AIG1: variants seen among roughly 807,000 people sequenced by gnomAD.
The protein encoded by AIG1 is androgen-induced gene 1 protein.
A neutral mutation model predicts 31.4 loss-of-function variants in AIG1; 23 were observed. The ratio of observed to expected loss-of-function variants is 0.73; its 90% confidence interval spans 0.53 to 1.04. The LOEUF (loss-of-function observed/expected upper bound fraction) is 1.04, where lower values mean the gene tolerates loss of function less well. AIG1 is among the 50% of genes least tolerant of loss of function. The pLI is 0.00. For missense variants in AIG1, 274 were observed against 295.0 expected (o/e 0.93, Z 0.52); for synonymous variants, 100 against 110.5 (o/e 0.90, Z 0.60).
intron 1 of AIG1, among the ~76,000 whole-genome samples, chr6:143,090,715 T>G (rs969635673): frequency 1.3e-5 from 2 of 152,262 alleles, no homozygotes; most frequent in African/African-American, 4.8e-5. Flanking sequence ...ATCTGAGCCC[T>G]CATTGAGTAA....
intron 3 of AIG1, among the ~76,000 whole-genome samples, chr6:143,242,301 C>G (rs999034013): frequency 6.6e-6 from 1 of 152,140 alleles, no homozygotes; most frequent in Non-Finnish European, 1.5e-5. Context: ...AGAACCCAAG[C>G]CACTATATTT....
intron 3 of AIG1, among the ~76,000 whole-genome samples, chr6:143,227,710 G>A (rs1159701591): frequency 1.3e-5 from 2 of 152,072 alleles, no homozygotes; most frequent in Non-Finnish European, 2.9e-5. Context: ...CAAAAACGAA[G>A]ATTTAGTGGC....
chr6:143,328,746 T>C lies in AIG1; in HGVS notation c.516-4536T>C, dbSNP rs1429308165. Reference sequence around the variant, plus strand: ...CATGAATAAATGTTATTTTTTTAATTGTACATAAACGTGAATGCAAACGGA... The same window carrying C: ...CATGAATAAATGTTATTTTTTTAATCGTACATAAACGTGAATGCAAACGGA... On this transcript the variant is annotated intron_variant, in intron 4 of 5. Transcript: ENST00000357847. This position sits in a 1 kb window ranked among gnomAD's most constrained non-coding sequence, Gnocchi z 4.0. Among the ~76,000 whole-genome samples, 1 of 152,200 alleles carries C rather than the reference T, an allele frequency of 6.6e-6. No individual in the cohort carries two copies. The highest frequency in any genetic ancestry group is 1.5e-5 in the Non-Finnish European group (1 of 68,026).
At chr6:143,204,116 T>G (rs927162588) in intron 3 of AIG1, among the ~76,000 whole-genome samples, 1 of 152,182 alleles carries the variant, frequency 6.6e-6, no homozygotes, top group African/African-American at 2.4e-5. Context: ...GAGGGCCCTG[T>G]TCCAGTATCC....
intron 2 of AIG1, among the ~76,000 whole-genome samples, chr6:143,153,182 G>A (rs1785405711): frequency 6.6e-6 from 1 of 152,154 alleles, no homozygotes; most frequent in African/African-American, 2.4e-5. Context: ...TAAAATTTGA[G>A]TAGGGAAGGA....
intron 3 of AIG1, among the ~76,000 whole-genome samples, chr6:143,175,036 T>C (rs900552701): frequency 6.6e-6 from 1 of 152,226 alleles, no homozygotes; most frequent in Admixed American, 6.5e-5. Flanking sequence ...TTTGTTTGTC[T>C]GAGAAAGACT....
intron 3 of AIG1, among the ~76,000 whole-genome samples, chr6:143,227,361 G>GCTGCCCCGTGCCC (rs1031210045): frequency 4.6e-5 from 7 of 152,116 alleles, no homozygotes; most frequent in East Asian, 1.9e-4. Context: ...AGCCATTACA[G>GCTGCCCCGTGCCC]CTGCCCCGTG....
At chr6:143,095,015 A>G (rs1477747179) in intron 1 of AIG1, among the ~76,000 whole-genome samples, 1 of 152,172 alleles carries the variant, frequency 6.6e-6, no homozygotes, top group Non-Finnish European at 1.5e-5. Context: ...GGTTAGTTGC[A>G]AGACTCTAAA....
Position 143,188,161 on chromosome 6 carries a change from T to C in AIG1, c.399+22978T>C, listed in dbSNP as rs73781106. 7.1e-5 allele frequency: 71 copies of C among 999,984 alleles called. No individual in the cohort carries two copies. In the African/African-American group the frequency reaches 1.2e-3, roughly 17 times the overall value. 61.9% of individuals were successfully genotyped at this position (999,984 alleles called of 1,614,324 possible). A position where few individuals can be genotyped will look rare whatever the true frequency, so the allele number is the denominator to read the frequency against. Reference sequence around the variant, plus strand: ...ATGAAGTTAATGGATAGAGAAAAGATGGGAGGAAGAGGTATCTCTCTTTAC... The same window carrying C: ...ATGAAGTTAATGGATAGAGAAAAGACGGGAGGAAGAGGTATCTCTCTTTAC... On this transcript the variant is annotated intron_variant, in intron 3 of 5. Transcript: ENST00000357847.
intron 3 of AIG1, among the ~76,000 whole-genome samples, chr6:143,172,827 C>A (rs1366947320): frequency 6.6e-6 from 1 of 152,100 alleles, no homozygotes; most frequent in Non-Finnish European, 1.5e-5. Flanking sequence ...TATCCATCTC[C>A]TCTAGGTTTT....
chr6:143,067,186 AC>A (rs539010545), intron 1 of AIG1, among the ~76,000 whole-genome samples: 4 of 152,120 alleles, frequency 2.6e-5, no homozygotes, highest in African/African-American at 4.8e-5. Context: ...TAAAAAAAAA[AC>A]ATTGGTTAGC....
intron 1 of AIG1, among the ~76,000 whole-genome samples, chr6:143,114,901 C>T (rs115425851): frequency 1.3e-3 from 192 of 152,244 alleles, no homozygotes; most frequent in African/African-American, 4.5e-3. Flanking sequence ...GGAGTTGTTA[C>T]GAAGAGTAGA....
chr6:143,342,006 A>G (rs970247110), downstream of AIG1, among the ~76,000 whole-genome samples: 2 of 152,136 alleles, frequency 1.3e-5, no homozygotes, highest in Non-Finnish European at 2.9e-5. Flanking sequence ...GCTCCCTGCA[A>G]TCTCCGCCTC....
chr6:143,262,599 A>T (rs1795865074), intron 3 of AIG1, among the ~76,000 whole-genome samples: 1 of 152,244 alleles, frequency 6.6e-6, no homozygotes, highest in African/African-American at 2.4e-5. Context: ...AGGGATTCTT[A>T]CAGATTCCTA....
chr6:143,061,310 AC>A (rs1361709004), intron 1 of AIG1: 7 of 638,004 alleles, frequency 1.1e-5, no homozygotes, highest in African/African-American at 1.8e-5. Flanking sequence ...CAACTGGGGG[AC>A]AAATGGAGGT....
chr6:143,066,682 C>T (rs1197024948), intron 1 of AIG1, among the ~76,000 whole-genome samples: 3 of 151,992 alleles, frequency 2.0e-5, no homozygotes, highest in Non-Finnish European at 2.9e-5. Flanking sequence ...GTTTCAGATA[C>T]GAGAGATGGG....
chr6:143,119,461 G>T (rs914690162), intron 1 of AIG1, among the ~76,000 whole-genome samples: 1 of 152,184 alleles, frequency 6.6e-6, no homozygotes, highest in Non-Finnish European at 1.5e-5. Context: ...GCACAGGCAG[G>T]CAGCTTGTAC....
chr6:143,083,967 A>T (rs920956093), intron 1 of AIG1, among the ~76,000 whole-genome samples: 4 of 152,190 alleles, frequency 2.6e-5, no homozygotes, highest in Non-Finnish European at 5.9e-5. Context: ...TTAGAAAGGC[A>T]TGTGAAAAGA....
In AIG1 at chr6:143,318,783, GA is replaced by G. The variant is rs201758681; in HGVS notation, c.516-14488del. Among the ~76,000 whole-genome samples, 402 of 141,986 alleles carry G rather than the reference GA, an allele frequency of 2.8e-3. 2 individuals are homozygous for G. Among genetic ancestry groups the G allele is most frequent in the African/African-American group, 6.2e-3 (240 of 38,934 alleles). 93.1% of individuals were successfully genotyped at this position (141,986 alleles called of 152,430 possible). On this transcript the variant is annotated intron_variant, in intron 4 of 5. Coordinates refer to ENST00000357847, the MANE Select transcript of AIG1 (RefSeq NM_016108.4). ...CAAGAAACTCAAAGAAATCAGCAAG[GA>G]AAAAAAAAAATCCCATTAAAAAGTG...
Sources: allele counts gnomAD v4.1 joint callset (sites outside exome capture counted in the v4.1 genomes callset), GRCh38; gene constraint gnomAD v4.1.1; non-coding constraint Gnocchi (gnomAD v3.1); transcripts MANE v1.5; gene names NCBI Gene and HGNC (gene_info 2026-07-23, HGNC 2026-07-21).